C1orf198: variants seen among roughly 807,000 people sequenced by gnomAD.
The protein encoded by C1orf198 is chromosome 1 open reading frame 198.
Under a neutral mutation model 31.4 loss-of-function variants are expected in C1orf198, and 17 were observed. The ratio of observed to expected loss-of-function variants is 0.54; its 90% CI spans 0.37 to 0.81. C1orf198 has a LOEUF of 0.81. C1orf198 is among the 40% of genes least tolerant of loss of function. C1orf198 has a pLI of 0.00. For missense variants in C1orf198, 401 were observed against 450.3 expected, an observed-to-expected ratio of 0.89 and a Z score of 0.99; for synonymous variants, 175 against 193.8, an observed-to-expected ratio of 0.90 and a Z score of 0.81.
intron 3 of C1orf198, among the ~76,000 whole-genome samples, chr1:230,841,894 T>C (rs1206601132): frequency 6.6e-6 from 1 of 152,194 alleles, no homozygotes; most frequent in Non-Finnish European, 1.5e-5. Context: ...AACCCAAGTG[T>C]CTGTCGATGG....
rs950012512 is a variant in C1orf198, at chr1:230,857,072, C to T, written c.334-1354G>A. Among the ~76,000 whole-genome samples the T allele has an allele frequency of 1.3e-5, 2 of 152,192 alleles. No individual in the cohort carries two copies. The highest frequency in any genetic ancestry group is 2.4e-5 in the African/African-American group (1 of 41,454). On this transcript the variant is annotated intron_variant, in intron 1 of 3. Transcript: ENST00000366663. This position sits in a 1 kb window ranked among gnomAD's most constrained non-coding sequence, Gnocchi z 4.2. ...AGTGTACACATTCAGCCTTCCAGAC[C>T]CCGAGTGTGCGTTCTCTGTGCAGAC...
rs556304945 is a variant in C1orf198, at chr1:230,857,389, G to A, written c.334-1671C>T. On this transcript the variant is annotated intron_variant, in intron 1 of 3. Coordinates refer to ENST00000366663, the MANE Select transcript of C1orf198 (RefSeq NM_032800.3). The surrounding 1 kb of genome is among the most constrained non-coding windows in gnomAD (Gnocchi z 4.2). Reference sequence around the variant, plus strand: ...GAATAAACAAACTCTGCACAAGCCCGGATCCTTTCACAGGTTGATTTTCCC... The same window carrying A: ...GAATAAACAAACTCTGCACAAGCCCAGATCCTTTCACAGGTTGATTTTCCC... 3.9e-5 allele frequency among the ~76,000 whole-genome samples: 6 copies of A among 152,224 alleles called. No individual in the cohort carries two copies. The highest frequency in any genetic ancestry group is 6.5e-5 in the Admixed American group (1 of 15,288).
At chr1:230,845,690 T>TAAAAG (rs901653110) in intron 2 of C1orf198, among the ~76,000 whole-genome samples, 5 of 130,546 alleles carry the variant, frequency 3.8e-5, no homozygotes, top group African/African-American at 8.9e-5. Context: ...TTTCAAAAAA[T>TAAAAG]AAAAGAAAAG....
At position 230,868,278 on chromosome 1, in the gene C1orf198, C is replaced by T. The variant is rs1268869080; in HGVS notation, c.235G>A (p.Ala79Thr). Reference sequence around the variant, plus strand: ...TCCCCGGGGTCTCGGGGCGCCGGGGCGCGCGGCCCCACCAGGCACCGGTCG... The same window carrying T: ...TCCCCGGGGTCTCGGGGCGCCGGGGTGCGCGGCCCCACCAGGCACCGGTCG... The part of the protein sequence containing the change: ...IIDRCLVGPR[A>T]PAPRDPGDSE... The change falls in exon 1 of 4, where the codon GCC becomes ACC. Residue 79 changes from alanine (A) to threonine (T), a missense_variant. Ala to Thr is a moderately conservative substitution (Grantham distance 58). Coordinates refer to ENST00000366663, the MANE Select transcript of C1orf198 (RefSeq NM_032800.3). The T allele has an allele frequency of 3.1e-6, 5 of 1,587,300 alleles. No individual in the cohort carries two copies. The highest frequency in any genetic ancestry group is 2.4e-5 in the East Asian group (1 of 42,428).
chr1:230,855,951 A>G (rs1572135861), intron 1 of C1orf198: 25 of 1,317,680 alleles, frequency 1.9e-5, no homozygotes, highest in Non-Finnish European at 2.4e-5. Context: ...CAAACAGACA[A>G]CAGGGAATGC....
intron 2 of C1orf198, among the ~76,000 whole-genome samples, chr1:230,853,178 A>G (rs1669787654): frequency 6.6e-6 from 1 of 152,154 alleles, no homozygotes; most frequent in Non-Finnish European, 1.5e-5. Flanking sequence ...TGCTCCGATC[A>G]TTGACCCACA....
intron 1 of C1orf198, among the ~76,000 whole-genome samples, chr1:230,859,259 C>T (rs1260783005): frequency 6.6e-6 from 1 of 152,112 alleles, no homozygotes; most frequent in Non-Finnish European, 1.5e-5. Flanking sequence ...CTTTCTTCTA[C>T]TCCCATGGTG....
intron 1 of C1orf198, among the ~76,000 whole-genome samples, chr1:230,862,419 A>C (rs1023885586): frequency 5.3e-5 from 8 of 152,242 alleles, no homozygotes; most frequent in African/African-American, 1.7e-4. Context: ...CAAAAAACCT[A>C]CACACAGATG....
intron 2 of C1orf198, among the ~76,000 whole-genome samples, chr1:230,850,895 A>C (rs1235286202): frequency 6.6e-6 from 1 of 152,154 alleles, no homozygotes; most frequent in East Asian, 1.9e-4. Context: ...CACCATGGGC[A>C]GCAAAGCCCC....
In C1orf198 at chr1:230,857,026, G is replaced by A. The variant is rs1187893954; in HGVS notation, c.334-1308C>T. 1.3e-5 allele frequency among the ~76,000 whole-genome samples: 2 copies of A among 152,160 alleles called. No homozygotes were observed. The highest frequency in any genetic ancestry group is 2.4e-5 in the African/African-American group (1 of 41,432). Reference sequence around the variant, plus strand: ...GGCAAATGCCAGGGCCCACGCAGGGGGAGTGCCTCACCAACACATAAGTGT... The same window carrying A: ...GGCAAATGCCAGGGCCCACGCAGGGAGAGTGCCTCACCAACACATAAGTGT... On this transcript the variant is annotated intron_variant, in intron 1 of 3. Transcript: ENST00000366663. The surrounding 1 kb of genome is among the most constrained non-coding windows in gnomAD (Gnocchi z 4.2).
intron 2 of C1orf198, among the ~76,000 whole-genome samples, chr1:230,854,430 T>C (rs1320438185): frequency 6.6e-6 from 1 of 152,190 alleles, no homozygotes; most frequent in Non-Finnish European, 1.5e-5. Flanking sequence ...GGATCCAGTG[T>C]TGGATTTAGA....
chr1:230,866,118 G>A (rs1176239512), intron 1 of C1orf198, among the ~76,000 whole-genome samples: 1 of 152,218 alleles, frequency 6.6e-6, no homozygotes, highest in Non-Finnish European at 1.5e-5. Flanking sequence ...CCTGTGCCCA[G>A]GAGCTGGCCC....
At chr1:230,859,135 C>T (rs545746066) in intron 1 of C1orf198, among the ~76,000 whole-genome samples, 12 of 152,170 alleles carry the variant, frequency 7.9e-5, no homozygotes, top group African/African-American at 2.7e-4. Flanking sequence ...GTGGACTGCA[C>T]GCTCTAGCCA....
Position 230,843,382 on chromosome 1 carries a change from G to A in C1orf198, c.899C>T (p.Thr300Ile), listed in dbSNP as rs1022614441. The change falls in exon 3 of 4, where the codon ACC becomes ATC. Residue 300 changes from threonine to isoleucine, a missense_variant. Coordinates refer to ENST00000366663, the MANE Select transcript of C1orf198 (RefSeq NM_032800.3). This position sits in a 1 kb window ranked among gnomAD's most constrained non-coding sequence, Gnocchi z 4.9. Reference sequence around the variant, plus strand: ...TGCAAACTTGGGTTCCGAGAACAGGGTGTCTTCCCCATCGTCCTGCCTGAC... The same window carrying A: ...TGCAAACTTGGGTTCCGAGAACAGGATGTCTTCCCCATCGTCCTGCCTGAC... ...PDVRQDDGEDTLFSEPKFAQV... is the reference protein window; with the variant it reads ...PDVRQDDGEDILFSEPKFAQV... 1.9e-6 allele frequency: 3 copies of A among 1,558,880 alleles called. No individual in the cohort carries two copies. The highest frequency in any genetic ancestry group is 2.6e-6 in the Non-Finnish European group (3 of 1,151,022).
Position 230,855,519 on chromosome 1 carries a change from C to A in C1orf198, c.384+149G>T, listed in dbSNP as rs192428726. 2.7e-5 allele frequency: 21 copies of A among 791,910 alleles called. No individual in the cohort carries two copies. The East Asian group carries it at 5.5e-4, about 21-fold the overall frequency. The allele number at this position is 791,910 out of a possible 1,614,324, so 49.1% of individuals were successfully genotyped here. On this transcript the variant is annotated intron_variant, in intron 2 of 3. Transcript: ENST00000366663. Reference sequence around the variant, plus strand: ...TAATTCCTCACCATGCTCCTCCCATCCCCTCCTTTTCTACCAACAATGGAC... The same window carrying A: ...TAATTCCTCACCATGCTCCTCCCATACCCTCCTTTTCTACCAACAATGGAC...
At chr1:230,856,689 C>T (rs1239105729) in intron 1 of C1orf198, among the ~76,000 whole-genome samples, 1 of 152,182 alleles carries the variant, frequency 6.6e-6, no homozygotes, top group Admixed American at 6.5e-5. Flanking sequence ...CCATGTCTGA[C>T]TGCTTCTACT....
chr1:230,862,294 G>C (rs940940547), intron 1 of C1orf198, among the ~76,000 whole-genome samples: 1 of 152,206 alleles, frequency 6.6e-6, no homozygotes, highest in Non-Finnish European at 1.5e-5. Flanking sequence ...ATGCACAACT[G>C]TGCTTCTGCT....
chr1:230,842,863 A>C (rs1465005374), intron 3 of C1orf198, among the ~76,000 whole-genome samples: 1 of 152,228 alleles, frequency 6.6e-6, no homozygotes, highest in Admixed American at 6.5e-5. Flanking sequence ...TCAGCAAGGC[A>C]GCCAGGAGCC....
At chr1:230,866,227 C>T (rs906259178) in intron 1 of C1orf198, among the ~76,000 whole-genome samples, 1 of 152,200 alleles carries the variant, frequency 6.6e-6, no homozygotes, top group Non-Finnish European at 1.5e-5. Flanking sequence ...TTCCCTACTG[C>T]TATTAACCTA....
Sources: allele counts gnomAD v4.1 joint callset (sites outside exome capture counted in the v4.1 genomes callset), GRCh38; gene constraint gnomAD v4.1.1; non-coding constraint Gnocchi (gnomAD v3.1); transcripts MANE v1.5; gene names NCBI Gene and HGNC (gene_info 2026-07-23, HGNC 2026-07-21).